The following KCNMA1 variants were observed in gnomAD, a reference collection of about 807,000 sequenced individuals.
KCNMA1 encodes the protein Calcium-activated potassium channel subunit alpha-1.
KCNMA1 carries 29 observed loss-of-function variants against 140.0 expected under a neutral mutation model. The observed-to-expected ratio is 0.21, with a 90% confidence interval of 0.15 to 0.28. The LOEUF (loss-of-function observed/expected upper bound fraction) is 0.28. KCNMA1 is among the 10% of genes least tolerant of loss of function. The pLI is 1.00. For missense variants in KCNMA1, 880 were observed against 1,602.2 expected (o/e 0.55, Z 7.70); for synonymous variants, 612 against 611.9 (o/e 1.00, Z 0.00).
chr10:77,011,401 G>A (rs1013499014), intron 18 of KCNMA1, among the ~76,000 whole-genome samples: 3 of 152,154 alleles, frequency 2.0e-5, no homozygotes, highest in Non-Finnish European at 2.9e-5. Context: ...GCTTGAGGTC[G>A]ACCTTTGGAC....
At chr10:76,911,897 A>C (rs1324284023) in intron 24 of KCNMA1, 1 of 152,200 alleles carries the variant, frequency 6.6e-6, no homozygotes, top group African/African-American at 2.4e-5. Flanking sequence ...AATAGCCACC[A>C]ATGGTGTGTG....
intron 1 of KCNMA1, among the ~76,000 whole-genome samples, chr10:77,624,047 C>T (rs1448987187): frequency 6.6e-6 from 1 of 152,120 alleles, no homozygotes; most frequent in African/African-American, 2.4e-5. Flanking sequence ...TAGGAATCAT[C>T]CCTTCAGACA....
At chr10:77,315,425 T>C (rs1008824767) in intron 2 of KCNMA1, 2 of 152,206 alleles carry the variant, frequency 1.3e-5, no homozygotes, top group African/African-American at 4.8e-5. Context: ...GATAACAACA[T>C]AGCTGCCATC....
chr10:77,032,311 A>G lies in KCNMA1; in HGVS notation c.1860-4420T>C, dbSNP rs572348802. ...TGGTAAAGAAGAATGAGCATTAGCCATCTAATCCTTATTCTAATTCTGCCT... is the reference window on the plus strand; with the variant it reads ...TGGTAAAGAAGAATGAGCATTAGCCGTCTAATCCTTATTCTAATTCTGCCT... On this transcript the variant is annotated intron_variant, in intron 15 of 27. Transcript: ENST00000286628. Among the ~76,000 whole-genome samples the G allele has an allele frequency of 5.3e-5, 8 of 152,320 alleles. No individual in the cohort carries two copies. In the South Asian group the frequency reaches 1.5e-3, roughly 28 times the overall value.
intron 6 of KCNMA1, among the ~76,000 whole-genome samples, chr10:77,119,247 T>TCC (rs1470406074): frequency 3.3e-5 from 5 of 152,334 alleles, no homozygotes; most frequent in Non-Finnish European, 7.3e-5. Flanking sequence ...CAGAAAAAGA[T>TCC]ATTCAGATGG....
chr10:77,434,983 T>C (rs143167141), intron 1 of KCNMA1, among the ~76,000 whole-genome samples: 231 of 152,306 alleles, frequency 1.5e-3, no homozygotes, highest in African/African-American at 4.8e-3. Flanking sequence ...GGAGAGAGTC[T>C]CACTCTGCCT....
chr10:77,281,646 G>A (rs563591995), intron 2 of KCNMA1, among the ~76,000 whole-genome samples: 6 of 152,200 alleles, frequency 3.9e-5, no homozygotes, highest in South Asian at 2.1e-4. Flanking sequence ...CCTGGGAACC[G>A]GTGACTGCCT....
chr10:77,127,055 C>T (rs1193859683), intron 5 of KCNMA1, among the ~76,000 whole-genome samples: 1 of 143,898 alleles, frequency 6.9e-6, no homozygotes, highest in Non-Finnish European at 1.5e-5. Flanking sequence ...CTAGAAAGCC[C>T]AGAAACACAC....
intron 20 of KCNMA1, among the ~76,000 whole-genome samples, chr10:76,957,613 C>T (rs1157575860): frequency 2.6e-5 from 4 of 152,150 alleles, no homozygotes; most frequent in African/African-American, 4.8e-5. Context: ...AAAGGTTGGG[C>T]GAGCCTAGAA....
chr10:77,102,605 T>C (rs2097125501), intron 9 of KCNMA1, among the ~76,000 whole-genome samples: 1 of 152,226 alleles, frequency 6.6e-6, no homozygotes, highest in Non-Finnish European at 1.5e-5. Context: ...TGAAGACCTA[T>C]GTTTGCAAGT....
chr10:77,636,037 G>T, intron 1 of KCNMA1: 1 of 266,992 alleles, frequency 3.7e-6, no homozygotes, highest in Non-Finnish European at 6.5e-6. Context: ...AGTTTGAGGG[G>T]TCCTCGGTTT....
chr10:76,996,754 T>C (rs1244875346), intron 19 of KCNMA1, among the ~76,000 whole-genome samples: 5 of 152,172 alleles, frequency 3.3e-5, no homozygotes, highest in African/African-American at 1.2e-4. Flanking sequence ...GGCTCTCCTT[T>C]TTCTGTCTTT....
At chr10:77,018,372 CAAT>C (rs2092432528) in intron 17 of KCNMA1, among the ~76,000 whole-genome samples, 1 of 152,194 alleles carries the variant, frequency 6.6e-6, no homozygotes, top group Admixed American at 6.5e-5. Flanking sequence ...GAATCAAATA[CAAT>C]AATATTCCAT....
At chr10:77,359,511 A>G (rs1817378490) in intron 2 of KCNMA1, among the ~76,000 whole-genome samples, 1 of 152,158 alleles carries the variant, frequency 6.6e-6, no homozygotes, top group African/African-American at 2.4e-5. Flanking sequence ...ATCAGAAGAC[A>G]GCAGCGTAGG....
At chr10:77,046,656 T>G (rs1167996873) in intron 14 of KCNMA1, among the ~76,000 whole-genome samples, 4 of 152,214 alleles carry the variant, frequency 2.6e-5, no homozygotes, top group Non-Finnish European at 5.9e-5. Flanking sequence ...TCTCTCCTCC[T>G]CTATTTCCCT....
At chr10:76,938,490 C>G (rs1199141111) in intron 23 of KCNMA1, among the ~76,000 whole-genome samples, 3 of 152,214 alleles carry the variant, frequency 2.0e-5, no homozygotes, top group Non-Finnish European at 4.4e-5. Flanking sequence ...TAACCAGAGT[C>G]CTTGCATCTT....
At chr10:77,537,481 G>A (rs1166292680) in intron 1 of KCNMA1, among the ~76,000 whole-genome samples, 1 of 152,162 alleles carries the variant, frequency 6.6e-6, no homozygotes, top group Non-Finnish European at 1.5e-5. Flanking sequence ...GGCTCTTTCA[G>A]AGTCCAAGAC....
In KCNMA1 at chr10:77,112,462, C is replaced by G; in HGVS notation, c.885-20G>C. 6.2e-7 allele frequency: 1 copy of G among 1,600,312 alleles called. No individual in the cohort carries two copies. Among genetic ancestry groups the G allele is most frequent in the Non-Finnish European group, 8.6e-7 (1 of 1,167,740 alleles). ...GAATTACTGTGCAAGAGACAACAAG[C>G]AAAATCCCCACGTTACCAAGGGAAG... On this transcript the variant is annotated intron_variant, in intron 6 of 27. Coordinates refer to ENST00000286628, the MANE Select transcript of KCNMA1 (RefSeq NM_001161352.2).
At chr10:77,126,618 T>G (rs1345234160) in intron 5 of KCNMA1, among the ~76,000 whole-genome samples, 1 of 152,132 alleles carries the variant, frequency 6.6e-6, no homozygotes, top group Non-Finnish European at 1.5e-5. Flanking sequence ...AAGAGTGACC[T>G]GCTAAAGGCT....
Sources: gnomAD v4.1 joint callset for allele counts (sites outside exome capture counted in the v4.1 genomes callset) on GRCh38, gnomAD v4.1.1 for gene constraint, MANE v1.5 for transcripts, NCBI Gene and HGNC (gene_info 2026-07-23, HGNC 2026-07-21) for gene names.